The following RBFOX1 variants were observed in gnomAD, a reference collection of about 807,000 sequenced individuals.
RBFOX1 encodes RNA binding protein fox-1 homolog 1.
A neutral mutation model predicts 57.7 loss-of-function variants in RBFOX1; 8 were observed. That is an observed-to-expected ratio of 0.14 (90% confidence interval 0.08 to 0.25). The LOEUF is 0.25. Among genes scored for constraint, RBFOX1 ranks in the 10% least tolerant of loss-of-function variants. The pLI is 1.00. For synonymous variants in RBFOX1, 326 were observed against 222.4 expected, an observed-to-expected ratio of 1.47 and a Z score of -4.15; for missense variants, 611 against 548.5, an observed-to-expected ratio of 1.11 and a Z score of -1.14.
At chr16:5,757,047 T>C (rs2053422543) in intron 3 of RBFOX1, among the ~76,000 whole-genome samples, 1 of 152,158 alleles carries the variant, frequency 6.6e-6, no homozygotes, top group East Asian at 1.9e-4. Flanking sequence ...TGGCAAAGGA[T>C]GGGGGAGTTC....
At chr16:7,108,983 G>C (rs987527342) in intron 4 of RBFOX1, among the ~76,000 whole-genome samples, 31 of 152,138 alleles carry the variant, frequency 2.0e-4, no homozygotes, top group African/African-American at 7.2e-4. Context: ...GTTATGTGTG[G>C]TAGGTTTGCA....
chr16:5,534,631 T>A (rs1376053698), intron 2 of RBFOX1, among the ~76,000 whole-genome samples: 1 of 152,210 alleles, frequency 6.6e-6, no homozygotes, highest in African/African-American at 2.4e-5. Flanking sequence ...CCTGCTTTTT[T>A]TAGCATGCTG....
At position 7,395,161 on chromosome 16, in the gene RBFOX1, A is replaced by ATTT. The variant is rs5815400; in HGVS notation, c.28-122974_28-122972dup. Among the ~76,000 whole-genome samples, 89 of 144,318 alleles carry ATTT rather than the reference A, an allele frequency of 6.2e-4. 1 individual carries two copies. In the East Asian group the frequency reaches 0.015, roughly 24 times the overall value. The allele number at this position is 144,318 out of a possible 152,430, so 94.7% of individuals were successfully genotyped here. A position where few individuals can be genotyped will look rare whatever the true frequency, so the allele number is the denominator to read the frequency against. Reference sequence around the variant, plus strand: ...GACTACAGCATATTTCCAAGTGTGGATTTTTTTTTTTTTTCCCTGACAGCC... The same window carrying ATTT: ...GACTACAGCATATTTCCAAGTGTGGATTTTTTTTTTTTTTTTTCCCTGACAGCC... On this transcript the variant is annotated intron_variant, in intron 4 of 15. Coordinates refer to ENST00000550418, the MANE Select transcript of RBFOX1 (RefSeq NM_018723.4).
At chr16:7,470,032 C>G (rs1165117493) in intron 4 of RBFOX1, among the ~76,000 whole-genome samples, 2 of 127,454 alleles carry the variant, frequency 1.6e-5, no homozygotes, top group Non-Finnish European at 3.3e-5. Context: ...TTTTTTTTTT[C>G]ACTTTTAACA....
intron 3 of RBFOX1, among the ~76,000 whole-genome samples, chr16:6,838,721 T>A (rs1803682022): frequency 6.6e-6 from 1 of 152,168 alleles, no homozygotes; most frequent in Non-Finnish European, 1.5e-5. Flanking sequence ...TTGCCCGTCC[T>A]GCATCGGTAA....
intron 4 of RBFOX1, among the ~76,000 whole-genome samples, chr16:7,264,940 C>A (rs1489158553): frequency 3.3e-5 from 5 of 152,236 alleles, no homozygotes; most frequent in Admixed American, 2.0e-4. Flanking sequence ...GAGTCCAACA[C>A]TTTCCATCTT....
At chr16:5,637,612 C>G (rs1441310485) in intron 3 of RBFOX1, among the ~76,000 whole-genome samples, 1 of 152,198 alleles carries the variant, frequency 6.6e-6, no homozygotes, top group African/African-American at 2.4e-5. Context: ...ACAAGTTACC[C>G]TTTTGTGCCT....
intron 3 of RBFOX1, among the ~76,000 whole-genome samples, chr16:5,748,629 C>G (rs1304878494): frequency 1.3e-5 from 2 of 152,132 alleles, no homozygotes; most frequent in East Asian, 3.9e-4. Flanking sequence ...TATATAATGG[C>G]CTTCTTTGTC....
At chr16:6,236,343 T>G (rs768707353) in intron 1 of RBFOX1, among the ~76,000 whole-genome samples, 7 of 152,098 alleles carry the variant, frequency 4.6e-5, no homozygotes, top group African/African-American at 7.2e-5. Context: ...ACTCATAATC[T>G]GTGGAAATCA....
chr16:6,857,562 C>T (rs974417864), intron 3 of RBFOX1, among the ~76,000 whole-genome samples: 9 of 152,184 alleles, frequency 5.9e-5, no homozygotes, highest in East Asian at 1.9e-4. Flanking sequence ...TTCAAGGCTG[C>T]TTCAAGCCTC....
intron 3 of RBFOX1, among the ~76,000 whole-genome samples, chr16:6,901,311 C>T (rs1054572318): frequency 6.6e-6 from 1 of 152,156 alleles, no homozygotes; most frequent in Non-Finnish European, 1.5e-5. Flanking sequence ...CTCATTTTAG[C>T]AACACGGCAA....
At chr16:7,110,227 C>T in intron 4 of RBFOX1, among the ~76,000 whole-genome samples, 1 of 151,074 alleles carries the variant, frequency 6.6e-6, no homozygotes, top group African/African-American at 2.4e-5. Context: ...AGGTGTGGCA[C>T]CACCCTCGTG....
intron 2 of RBFOX1, among the ~76,000 whole-genome samples, chr16:6,443,109 T>A (rs1366806210): frequency 1.3e-5 from 2 of 152,156 alleles, no homozygotes; most frequent in Non-Finnish European, 2.9e-5. Context: ...GCCCCCAGTT[T>A]TCCCTGAACA....
At chr16:7,303,750 C>G (rs2096091372) in intron 4 of RBFOX1, among the ~76,000 whole-genome samples, 1 of 148,810 alleles carries the variant, frequency 6.7e-6, no homozygotes, top group Non-Finnish European at 1.5e-5. Context: ...CTCTCTTTAC[C>G]CTCCCTCTCG....
At chr16:5,637,860 C>A (rs116495321) in intron 3 of RBFOX1, among the ~76,000 whole-genome samples, 1 of 152,190 alleles carries the variant, frequency 6.6e-6, no homozygotes. Context: ...CCTCTCCTAC[C>A]GCCTTAGGTG....
intron 2 of RBFOX1, among the ~76,000 whole-genome samples, chr16:6,346,823 T>C (rs1440607740): frequency 6.6e-6 from 1 of 152,176 alleles, no homozygotes; most frequent in Non-Finnish European, 1.5e-5. Flanking sequence ...GCTGGATCTC[T>C]CATATATTAC....
At chr16:6,616,417 C>T (rs1290167235) in intron 2 of RBFOX1, among the ~76,000 whole-genome samples, 2 of 151,914 alleles carry the variant, frequency 1.3e-5, no homozygotes, top group African/African-American at 4.8e-5. Context: ...TGGCTCACGC[C>T]TGTAATCCCA....
intron 3 of RBFOX1, among the ~76,000 whole-genome samples, chr16:5,768,945 A>G (rs1016161744): frequency 6.6e-6 from 1 of 152,150 alleles, no homozygotes; most frequent in African/African-American, 2.4e-5. Context: ...TGAAAAAAAA[A>G]TAGGAAATCC....
Position 5,997,015 on chromosome 16 carries a change from G to A in RBFOX1, c.351+129680G>A, listed in dbSNP as rs111704956. On this transcript the variant is annotated intron_variant, in intron 4 of 19. Transcript: ENST00000641259. ...TCCAAACCCACCAGGAAGCACCTCCGTCTCTGCTGGTGCTCTCCATTGTCC... is the reference window on the plus strand; with the variant it reads ...TCCAAACCCACCAGGAAGCACCTCCATCTCTGCTGGTGCTCTCCATTGTCC... Among the ~76,000 whole-genome samples the A allele has an allele frequency of 3.0e-3, 439 of 145,314 alleles. 2 individuals carry two copies. The highest frequency in any genetic ancestry group is 0.011 in the African/African-American group (410 of 38,478).
Sources: gnomAD v4.1 joint callset for allele counts (sites outside exome capture counted in the v4.1 genomes callset) on GRCh38, gnomAD v4.1.1 for gene constraint, MANE v1.5 for transcripts, NCBI Gene and HGNC (gene_info 2026-07-23, HGNC 2026-07-21) for gene names.